Variants in ANP32E observed in about 807,000 individuals in gnomAD.
ANP32E encodes acidic leucine-rich nuclear phosphoprotein 32 family member E.
ANP32E carries 14 observed loss-of-function variants against 35.3 expected under a neutral mutation model. The observed-to-expected ratio is 0.40, with a 90% CI of 0.26 to 0.62. The LOEUF (loss-of-function observed/expected upper bound fraction) is 0.62, where lower values mean the gene tolerates loss of function less well. Among genes scored for constraint, ANP32E ranks in the 20% least tolerant of loss-of-function variants. ANP32E has a pLI of 0.45. For missense variants in ANP32E, 198 were observed against 304.4 expected (o/e 0.65, Z 2.60); for synonymous variants, 89 against 110.4 (o/e 0.81, Z 1.22).
At chr1:150,225,479 G>A (rs1553839548) in intron 5 of ANP32E, among the ~76,000 whole-genome samples, 1 of 151,776 alleles carries the variant, frequency 6.6e-6, no homozygotes, top group Admixed American at 6.6e-5. Context: ...AGACCAGCCT[G>A]GCCAACATGG....
intron 5 of ANP32E, 125 bp from the exon 6 acceptor site, chr1:150,223,365 T>G: frequency 5.4e-6 from 7 of 1,300,340 alleles, no homozygotes; most frequent in Non-Finnish European, 7.4e-6. Context: ...CCTCTGCCAT[T>G]CTTATAAAGG....
In ANP32E at chr1:150,225,665, T is replaced by TCAAAAAAAAAAAAAAAAAA. The variant is rs1339242877; in HGVS notation, c.681+942_681+943insTTTTTTTTTTTTTTTTTTG. Among the ~76,000 whole-genome samples the TCAAAAAAAAAAAAAAAAAA allele has an allele frequency of 7.2e-5, 6 of 83,548 alleles. 3 individuals carry two copies. Among genetic ancestry groups the TCAAAAAAAAAAAAAAAAAA allele is most frequent in the Admixed American group, 3.2e-4 (2 of 6,190 alleles). 54.8% of individuals were successfully genotyped at this position (83,548 alleles called of 152,430 possible). ...CAGCCTGGGCAACAGAGTGAGACTG[T>TCAAAAAAAAAAAAAAAAAA]AACAAAAAAAAAAAAAAAAAAAAAA... is the stretch of plus-strand genomic sequence containing the variant. On this transcript the variant is annotated intron_variant, in intron 5 of 6. Coordinates refer to ENST00000583931, the MANE Select transcript of ANP32E (RefSeq NM_030920.5).
chr1:150,222,217 G>C (rs907659309), intron 6 of ANP32E, among the ~76,000 whole-genome samples: 10 of 151,478 alleles, frequency 6.6e-5, no homozygotes, highest in Admixed American at 6.6e-4. Context: ...TCAGGAGATC[G>C]AGAGCAACCT....
At position 150,229,301 on chromosome 1, in the gene ANP32E, T is replaced by TTC. The variant is rs1401144527; in HGVS notation, c.328-65_328-64insGA. ...AATACCATGTTATTTCTTTTTTCTTTTTTTTTTTTTTTTTTTGAGACGGAG... is the reference window on the plus strand; with the variant it reads ...AATACCATGTTATTTCTTTTTTCTTTTCTTTTTTTTTTTTTTTTGAGACGGAG... On this transcript the variant is annotated intron_variant, in intron 3 of 6. Transcript: ENST00000583931. The TTC allele has an allele frequency of 3.8e-4, 337 of 893,714 alleles. No individual in the cohort carries two copies. In the East Asian group the frequency reaches 6.7e-3, roughly 18 times the overall value. 55.4% of individuals were successfully genotyped at this position (893,714 alleles called of 1,614,324 possible).
intron 4 of ANP32E, among the ~76,000 whole-genome samples, chr1:150,228,430 G>A (rs1308915757): frequency 2.0e-5 from 3 of 152,066 alleles, no homozygotes; most frequent in Non-Finnish European, 4.4e-5. Flanking sequence ...GGTGGCTCAC[G>A]CTGGTAATCC....
At chr1:150,229,793 T>C (rs55956539) in intron 3 of ANP32E, among the ~76,000 whole-genome samples, 37,961 of 151,996 alleles carry the variant, frequency 0.25, 5,588 homozygotes, top group East Asian at 0.57. Context: ...TTTGTATTTT[T>C]AGTAGAGACG....
intron 4 of ANP32E, among the ~76,000 whole-genome samples, chr1:150,227,174 T>C (rs1648945884): frequency 6.6e-6 from 1 of 152,220 alleles, no homozygotes; most frequent in Non-Finnish European, 1.5e-5. Flanking sequence ...TCAGCCACTA[T>C]GAAAAGCAGT....
At chr1:150,224,209 TGAA>T (rs1164302771) in intron 5 of ANP32E, among the ~76,000 whole-genome samples, 4 of 151,952 alleles carry the variant, frequency 2.6e-5, no homozygotes, top group Admixed American at 1.3e-4. Context: ...CAGACTAAAC[TGAA>T]GAAGGAGAGA....
intron 6 of ANP32E, 44 bp from the exon 7 acceptor site, chr1:150,220,805 A>G: frequency 6.5e-7 from 1 of 1,531,518 alleles, no homozygotes; most frequent in Non-Finnish European, 9.0e-7. Flanking sequence ...AATTTTAACA[A>G]ATGAGGATTG....
chr1:150,234,265 T>C (rs1553842649), intron 1 of ANP32E, among the ~76,000 whole-genome samples: 1 of 149,490 alleles, frequency 6.7e-6, no homozygotes, highest in Non-Finnish European at 1.5e-5. Context: ...AAACGTGTGC[T>C]TGTGAGAGAC....
intron 6 of ANP32E, 117 bp from the exon 7 acceptor site, chr1:150,220,878 T>G (rs1648293660): frequency 1.3e-6 from 1 of 794,474 alleles, no homozygotes; most frequent in East Asian, 2.8e-5. Context: ...CTCACACCTG[T>G]AATCCCAGCA....
intron 1 of ANP32E, among the ~76,000 whole-genome samples, chr1:150,233,236 G>C (rs1649510072): frequency 7.6e-6 from 1 of 132,242 alleles, no homozygotes; most frequent in Non-Finnish European, 1.5e-5. Flanking sequence ...TTGCACTCCA[G>C]CTTGGGCAAC....
In ANP32E at chr1:150,226,794, A is replaced by C. The variant is rs1250286965; in HGVS notation, c.495T>G (p.Asp165Glu). 2.5e-6 allele frequency: 4 copies of C among 1,597,280 alleles called. No individual in the cohort carries two copies. The African/African-American group carries it at 4.0e-5, about 16-fold the overall frequency. The change falls in exon 5 of 7, where the codon GAT becomes GAG. Residue 165 changes from aspartate (D) to glutamate (E), a missense_variant and splice_region_variant. Physicochemically the swap from Asp to Glu is conservative, Grantham distance 45. Coordinates refer to ENST00000583931, the MANE Select transcript of ANP32E (RefSeq NM_030920.5). ...APDSEEEDDEDGDEDDEEEEE... is the reference protein window; with the variant it reads ...APDSEEEDDEEGDEDDEEEEE... ...CTTCCTCTTCATCATCTTCATCGCC[A>C]TCTTTAAAAAATCATTTAAAGATGA... is the stretch of plus-strand genomic sequence containing the variant.
At chr1:150,234,186 G>A (rs1358773780) in intron 1 of ANP32E, among the ~76,000 whole-genome samples, 1 of 151,494 alleles carries the variant, frequency 6.6e-6, no homozygotes, top group African/African-American at 2.4e-5. Context: ...ATCACTAAGT[G>A]AAAGAATCCT....
chr1:150,221,302 G>T (rs1648344916), intron 6 of ANP32E, among the ~76,000 whole-genome samples: 1 of 150,426 alleles, frequency 6.6e-6, no homozygotes, highest in Admixed American at 6.7e-5. Flanking sequence ...AGCTGGGTAT[G>T]GTGGCAGGTG....
intron 1 of ANP32E, among the ~76,000 whole-genome samples, chr1:150,233,183 T>G (rs1188673682): frequency 1.4e-5 from 2 of 146,878 alleles, no homozygotes; most frequent in Admixed American, 1.4e-4. Context: ...GAGAATCACT[T>G]GAACCCGGGC....
chr1:150,220,448 T>A lies in ANP32E; in HGVS notation c.*243A>T. 1 of 406,904 alleles carries A rather than the reference T, an allele frequency of 2.5e-6. No individual in the cohort carries two copies. Among genetic ancestry groups the A allele is most frequent in the Non-Finnish European group, 4.5e-6 (1 of 224,170 alleles). 25.2% of individuals were successfully genotyped at this position (406,904 alleles called of 1,614,324 possible). A position where few individuals can be genotyped will look rare whatever the true frequency, so the allele number is the denominator to read the frequency against. ...GTAAGCTTGAATTTAAAAAATTAAGTCTAAATAAATTGCTAGGGAATTCCA... is the reference window on the plus strand; with the variant it reads ...GTAAGCTTGAATTTAAAAAATTAAGACTAAATAAATTGCTAGGGAATTCCA... On this transcript the variant is annotated 3_prime_UTR_variant, in exon 7 of 7. Transcript: ENST00000583931.
chr1:150,232,172 G>A (rs1649400009), intron 1 of ANP32E, among the ~76,000 whole-genome samples: 3 of 150,940 alleles, frequency 2.0e-5, no homozygotes, highest in Admixed American at 6.6e-5. Context: ...GTGAAACCCC[G>A]TCTCTACTAA....
At chr1:150,222,820 A>G (rs16835284) in intron 6 of ANP32E, among the ~76,000 whole-genome samples, 1 of 151,832 alleles carries the variant, frequency 6.6e-6, no homozygotes, top group Non-Finnish European at 1.5e-5. Context: ...AAATCTAAAA[A>G]GAGCATTAAT....
Sources: allele counts gnomAD v4.1 joint callset (sites outside exome capture counted in the v4.1 genomes callset), GRCh38; gene constraint gnomAD v4.1.1; transcripts MANE v1.5; gene names NCBI Gene and HGNC (gene_info 2026-07-23, HGNC 2026-07-21).